The following GEMIN8 variants were observed in gnomAD, a reference collection of about 807,000 sequenced individuals.
GEMIN8 encodes gem nuclear organelle associated protein 8.
For synonymous variants in GEMIN8, 80 were observed against 78.5 expected (o/e 1.02, Z -0.10); for missense variants, 185 against 205.9 (o/e 0.90, Z 0.62).
At chrX:14,022,068 G>GTA (rs1390938206) in intron 2 of GEMIN8, among the ~76,000 whole-genome samples, 65 of 99,356 alleles carry the variant, frequency 6.5e-4, no homozygotes, top group African/African-American at 1.6e-3. Context: ...GTGTGTGTGT[G>GTA]TATATATATA....
the GEMIN8 span, among the ~76,000 whole-genome samples, chrX:13,986,059 T>TA: frequency 3.6e-5 from 4 of 112,171 alleles, no homozygotes; most frequent in African/African-American, 1.3e-4. Context: ...TCTACTGTGC[T>TA]AAAAAACAAA....
At chrX:14,024,368 G>A (rs755762880) in intron 2 of GEMIN8, among the ~76,000 whole-genome samples, 7 of 111,451 alleles carry the variant, frequency 6.3e-5, no homozygotes, top group Non-Finnish European at 1.1e-4. Context: ...GTCTGGTGGC[G>A]CACATCTGTA....
At chrX:14,015,208 A>G (rs1392374041) in intron 4 of GEMIN8, among the ~76,000 whole-genome samples, 1 of 111,576 alleles carries the variant, frequency 9.0e-6, no homozygotes, top group Non-Finnish European at 1.9e-5. Flanking sequence ...ACTTCCACTC[A>G]TTTTCCCTCT....
chrX:14,021,818 A>ATATATATATATATATATATATATATAG (rs1269293519), intron 2 of GEMIN8, among the ~76,000 whole-genome samples: 1 of 44,341 alleles, frequency 2.3e-5, no homozygotes, highest in African/African-American at 1.2e-4. Flanking sequence ...GTGTGTGTAT[A>ATATATATATATATATATATATATATAG]TATATATATA....
the GEMIN8 span, among the ~76,000 whole-genome samples, chrX:13,991,263 G>T: frequency 8.9e-6 from 1 of 112,322 alleles, no homozygotes; most frequent in African/African-American, 3.2e-5. Flanking sequence ...TTGGGATGGA[G>T]TGATTTTCCT....
At chrX:14,002,757 C>T (rs1186559878), downstream of GEMIN8, among the ~76,000 whole-genome samples, 1 of 111,817 alleles carries the variant, frequency 8.9e-6, no homozygotes, top group East Asian at 2.8e-4. Context: ...TCACCTCGAC[C>T]TCCCAAAGCG....
chrX:14,023,791 C>T, intron 2 of GEMIN8, among the ~76,000 whole-genome samples: 1 of 112,446 alleles, frequency 8.9e-6, no homozygotes, highest in Non-Finnish European at 1.9e-5. Context: ...TATAGATTAA[C>T]AAGCAGCACA....
chrX:14,006,936 TAA>T lies in GEMIN8; in HGVS notation c.*1975_*1976del, dbSNP rs1453531692. The stretch of plus-strand genomic sequence containing the variant: ...ATGGTGATTTCTTTAGGGGAGGGTA[TAA>T]GAGTCCTTTGCGAAGAGAAACATTT... On this transcript the variant is annotated 3_prime_UTR_variant, in exon 5 of 5. Transcript: ENST00000680255. Among the ~76,000 whole-genome samples, 1 of 111,791 alleles carries T rather than the reference TAA, an allele frequency of 8.9e-6. No individual in the cohort carries two copies. Among genetic ancestry groups the T allele is most frequent in the Non-Finnish European group, 1.9e-5 (1 of 53,200 alleles).
At chrX:13,989,568 T>C in the GEMIN8 span, among the ~76,000 whole-genome samples, 1 of 112,905 alleles carries the variant, frequency 8.9e-6, no homozygotes. Flanking sequence ...CACAGAGCAA[T>C]GAAGAAACTC....
chrX:14,019,983 T>C, intron 4 of GEMIN8, 95 bp downstream of exon 4: 2 of 477,659 alleles, frequency 4.2e-6, no homozygotes, highest in Non-Finnish European at 3.5e-6. Flanking sequence ...CCCTAGCCAA[T>C]GAAGAATTAT....
rs1178659403 is a variant in GEMIN8 at position 14,006,857 on chromosome X, G to C, written c.*2056C>G. Among the ~76,000 whole-genome samples the C allele has an allele frequency of 8.9e-6, 1 of 111,812 alleles. No individual in the cohort carries two copies. Among genetic ancestry groups the C allele is most frequent in the African/African-American group, 3.3e-5 (1 of 30,706 alleles). ...CATTTTAAGGATAAGGAAGGAACCAGAAGCACTGAGAGGTGAAGCCTTAGG... is the reference window on the plus strand; with the variant it reads ...CATTTTAAGGATAAGGAAGGAACCACAAGCACTGAGAGGTGAAGCCTTAGG... On this transcript the variant is annotated 3_prime_UTR_variant, in exon 5 of 5. Transcript: ENST00000680255.
At chrX:14,003,586 C>T, downstream of GEMIN8, among the ~76,000 whole-genome samples, 1 of 112,292 alleles carries the variant, frequency 8.9e-6, no homozygotes, top group East Asian at 2.8e-4. Flanking sequence ...ATTTATCATA[C>T]TTAGAATATT....
At chrX:14,006,437 G>T (rs759710542), downstream of GEMIN8, among the ~76,000 whole-genome samples, 9 of 111,127 alleles carry the variant, frequency 8.1e-5, no homozygotes, top group Admixed American at 2.9e-4. Context: ...GCAAAAGTAG[G>T]ATTTAGAAGA....
the GEMIN8 span, among the ~76,000 whole-genome samples, chrX:13,986,662 T>TG: frequency 6.2e-5 from 7 of 112,440 alleles, no homozygotes; most frequent in Non-Finnish European, 1.1e-4. Flanking sequence ...AGGGCTCTTT[T>TG]GCTCACACCT....
At chrX:13,985,961 GT>G in the GEMIN8 span, among the ~76,000 whole-genome samples, 1 of 111,270 alleles carries the variant, frequency 9.0e-6, no homozygotes, top group Non-Finnish European at 1.9e-5. Context: ...TTCTTATCAA[GT>G]TTCTTTTTTA....
In GEMIN8 at chrX:14,007,488, C is replaced by T. The variant is rs775871103; in HGVS notation, c.*1425G>A. On this transcript the variant is annotated 3_prime_UTR_variant, in exon 5 of 5. Coordinates refer to ENST00000680255, the MANE Select transcript of GEMIN8 (RefSeq NM_001042479.2). ...TGTATATAGTAAGAAATCAACTGTGCGTTTTCTGCAACAGAGGTGACTGCA... is the reference window on the plus strand; with the variant it reads ...TGTATATAGTAAGAAATCAACTGTGTGTTTTCTGCAACAGAGGTGACTGCA... Among the ~76,000 whole-genome samples, 1 of 111,205 alleles carries T rather than the reference C, an allele frequency of 9.0e-6. No individual in the cohort carries two copies. The highest frequency in any genetic ancestry group is 1.9e-5 in the Non-Finnish European group (1 of 53,100).
At chrX:14,000,597 G>GA in the GEMIN8 span, among the ~76,000 whole-genome samples, 620 of 103,319 alleles carry the variant, frequency 6.0e-3, 12 homozygotes, top group East Asian at 0.1. Flanking sequence ...ACTCCATCTT[G>GA]AAAAAAAAAA....
intron 4 of GEMIN8, among the ~76,000 whole-genome samples, chrX:14,009,814 G>T (rs1038040306): frequency 8.9e-6 from 1 of 111,790 alleles, no homozygotes; most frequent in African/African-American, 3.3e-5. Flanking sequence ...CACCATGAAT[G>T]AGGTGATGTG....
chrX:13,999,375 C>G, the GEMIN8 span, among the ~76,000 whole-genome samples: 3 of 105,759 alleles, frequency 2.8e-5, no homozygotes, highest in African/African-American at 1.0e-4. Context: ...CTCCCAGATT[C>G]AAGTGATTCT....
Sources: gnomAD v4.1 joint callset for allele counts (sites outside exome capture counted in the v4.1 genomes callset) on GRCh38, gnomAD v4.1.1 for gene constraint, MANE v1.5 for transcripts, NCBI Gene and HGNC (gene_info 2026-07-23, HGNC 2026-07-21) for gene names.